The following SRGAP3 variants were observed in gnomAD, a reference collection of about 807,000 sequenced individuals.
The protein encoded by SRGAP3 is SLIT-ROBO Rho GTPase activating protein 3.
A neutral mutation model predicts 121.1 loss-of-function variants in SRGAP3; 39 were observed. The observed-to-expected ratio is 0.32, with a 90% CI of 0.25 to 0.42. The LOEUF is 0.42. Ranked by LOEUF, SRGAP3 falls within the 10% of genes least tolerant of loss-of-function variation. SRGAP3 has a pLI of 1.00. For missense variants in SRGAP3, 1,213 were observed against 1,470.6 expected, an observed-to-expected ratio of 0.82 and a Z score of 2.86; for synonymous variants, 601 against 570.0, an observed-to-expected ratio of 1.05 and a Z score of -0.77.
intron 10 of SRGAP3, among the ~76,000 whole-genome samples, chr3:9,042,117 AAGAG>A (rs1408207442): frequency 2.8e-5 from 4 of 142,666 alleles, no homozygotes; most frequent in Admixed American, 2.1e-4. Flanking sequence ...AAAAAAAAAA[AAGAG>A]AGAGAGAGAA....
Position 9,127,024 on chromosome 3 carries a change from A to G in SRGAP3, c.68-2107T>C, listed in dbSNP as rs1324827784. 2.6e-5 allele frequency among the ~76,000 whole-genome samples: 4 copies of G among 152,326 alleles called. No individual in the cohort carries two copies. In the East Asian group the frequency reaches 5.8e-4, roughly 22 times the overall value. On this transcript the variant is annotated intron_variant, in intron 1 of 21. Coordinates refer to ENST00000383836, the MANE Select transcript of SRGAP3 (RefSeq NM_014850.4). ...ATCTTCCTCTAATCAAGGGATCACA[A>G]ACCCTTGCTACTCAAAGTGTGGTCC... is the stretch of plus-strand genomic sequence containing the variant.
intron 2 of SRGAP3, among the ~76,000 whole-genome samples, chr3:9,121,328 C>T (rs187312271): frequency 1.4e-4 from 22 of 152,286 alleles, no homozygotes; most frequent in African/African-American, 4.6e-4. Flanking sequence ...AGAATCTTTA[C>T]GACGGTGAGA....
At chr3:9,340,105 G>T (rs1017111960) in intron 1 of SRGAP3, among the ~76,000 whole-genome samples, 7 of 152,102 alleles carry the variant, frequency 4.6e-5, no homozygotes, top group Non-Finnish European at 1.0e-4. Flanking sequence ...GGATTTAAAG[G>T]TATCTACCAC....
intron 18 of SRGAP3, among the ~76,000 whole-genome samples, chr3:9,002,402 T>A (rs946065307): frequency 6.6e-6 from 1 of 152,048 alleles, no homozygotes; most frequent in Non-Finnish European, 1.5e-5. Flanking sequence ...AAAATGAAGA[T>A]ACAACATATC....
rs140764295 is a variant in SRGAP3, at chr3:8,985,926, C to G, written c.2893G>C (p.Glu965Gln). 55 of 1,599,488 alleles carry G rather than the reference C, an allele frequency of 3.4e-5. No homozygotes were observed. The highest frequency in any genetic ancestry group is 4.5e-5 in the Non-Finnish European group (53 of 1,179,924). ...LEAEALAEDI[E>Q]KTMSTALHEL... ...TGCAGAGCCGTGCTCATGGTCTTCT[C>G]GATGTCCTGGGGACAGAGGGAGCTG... The change falls in exon 22 of 22, where the codon GAG (glutamate) becomes CAG (glutamine). Residue 965 changes from glutamate to glutamine, a missense_variant. This residue lies in a region of SRGAP3 where 420 missense variants were observed against 437.7 expected (regional missense o/e 0.96). Transcript: ENST00000383836. The surrounding 1 kb of genome is among the most constrained non-coding windows in gnomAD (Gnocchi z 5.1).
At chr3:9,346,023 T>C (rs559145765) in intron 1 of SRGAP3, among the ~76,000 whole-genome samples, 1 of 152,280 alleles carries the variant, frequency 6.6e-6, no homozygotes, top group South Asian at 2.1e-4. Context: ...CCTTAATAGC[T>C]TCCTTTGTTC....
chr3:9,233,806 G>A lies in SRGAP3; in HGVS notation c.67+15079C>T, dbSNP rs541951648. Among the ~76,000 whole-genome samples the A allele has an allele frequency of 2.6e-5, 4 of 152,274 alleles. No homozygotes were observed. In the East Asian group the frequency reaches 7.7e-4, roughly 29 times the overall value. On this transcript the variant is annotated intron_variant, in intron 1 of 21. Coordinates refer to ENST00000383836, the MANE Select transcript of SRGAP3 (RefSeq NM_014850.4). ...TCCTTCCATAACACTCAACACTTTT[G>A]TAATTACAAATTATCCTTTGTCTTC...
At position 9,015,861 on chromosome 3, in the gene SRGAP3, T is replaced by C. The variant is rs1247006085; in HGVS notation, c.1679-130A>G. 7 of 1,012,926 alleles carry C rather than the reference T, an allele frequency of 6.9e-6. No individual in the cohort carries two copies. The African/African-American group carries it at 8.0e-5, about 12-fold the overall frequency. 62.7% of individuals were successfully genotyped at this position (1,012,926 alleles called of 1,614,324 possible). A position where few individuals can be genotyped will look rare whatever the true frequency, so the allele number is the denominator to read the frequency against. Reference sequence around the variant, plus strand: ...GCAGATGGGAAAAGTCTCCCCCACATATGAGGCCCCCCACTTCAGCAAGTT... The same window carrying C: ...GCAGATGGGAAAAGTCTCCCCCACACATGAGGCCCCCCACTTCAGCAAGTT... On this transcript the variant is annotated intron_variant, in intron 14 of 21. Coordinates refer to ENST00000383836, the MANE Select transcript of SRGAP3 (RefSeq NM_014850.4).
At chr3:9,188,317 T>C (rs1039462805) in intron 1 of SRGAP3, among the ~76,000 whole-genome samples, 3 of 152,194 alleles carry the variant, frequency 2.0e-5, no homozygotes, top group Admixed American at 2.0e-4. Context: ...CCTTATGGAT[T>C]AGAAGCAGGT....
At chr3:9,147,843 C>A (rs535919415) in intron 1 of SRGAP3, among the ~76,000 whole-genome samples, 2 of 152,270 alleles carry the variant, frequency 1.3e-5, no homozygotes, top group South Asian at 4.1e-4. Flanking sequence ...AAGCAGATGA[C>A]ATGGGCAGGC....
intron 11 of SRGAP3, chr3:9,036,523 G>C (rs1944751065): frequency 6.6e-6 from 1 of 152,094 alleles, no homozygotes; most frequent in Non-Finnish European, 1.5e-5. Flanking sequence ...GGTCAAGGAG[G>C]GTGTGGAAGA....
At chr3:8,999,640 G>A (rs1279346735) in intron 18 of SRGAP3, among the ~76,000 whole-genome samples, 3 of 152,194 alleles carry the variant, frequency 2.0e-5, no homozygotes, top group Admixed American at 6.5e-5. Context: ...GAATGTGGGT[G>A]TACCTTCTCT....
Position 9,302,851 on chromosome 3 carries a change from G to A in SRGAP3, n.442+23159C>T, listed in dbSNP as rs75502994. 6.9e-3 allele frequency among the ~76,000 whole-genome samples: 1,054 copies of A among 152,184 alleles called. 9 individuals are homozygous for A. Among genetic ancestry groups the A allele is most frequent in the African/African-American group, 0.023 (953 of 41,542 alleles). On this transcript the variant is annotated intron_variant and non_coding_transcript_variant, in intron 3 of 3. Coordinates refer to the SRGAP3 transcript ENST00000490889. ...GGAGAGGCTCTGCAATCCGAGCAAG[G>A]GGCTTCAGTTCTCTGAACCTCAGAA... is the stretch of plus-strand genomic sequence containing the variant.
At chr3:9,126,313 T>C (rs980798984) in intron 1 of SRGAP3, among the ~76,000 whole-genome samples, 1 of 152,132 alleles carries the variant, frequency 6.6e-6, no homozygotes, top group African/African-American at 2.4e-5. Flanking sequence ...CATCTGGGTG[T>C]CAAAAGGAAA....
At chr3:9,014,251 A>T (rs1943523028) in intron 15 of SRGAP3, 1 of 288,410 alleles carries the variant, frequency 3.5e-6, no homozygotes, top group South Asian at 4.1e-5. Flanking sequence ...AGCTGGACCT[A>T]AGTTTTCCAG....
At chr3:9,174,907 T>G (rs1160235713) in intron 1 of SRGAP3, among the ~76,000 whole-genome samples, 1 of 152,096 alleles carries the variant, frequency 6.6e-6, no homozygotes, top group Non-Finnish European at 1.5e-5. Context: ...CTGAGGCCCA[T>G]GTGAGAAATG....
chr3:9,125,487 G>C (rs1949188349), intron 1 of SRGAP3, among the ~76,000 whole-genome samples: 1 of 152,210 alleles, frequency 6.6e-6, no homozygotes, highest in South Asian at 2.1e-4. Context: ...GCTGAGAAGG[G>C]CATGCTTTTC....
Position 9,354,681 on chromosome 3 carries a change from C to CAA in SRGAP3, n.214+8157_214+8158dup, listed in dbSNP as rs34026081. Among the ~76,000 whole-genome samples the CAA allele has an allele frequency of 1.1e-3, 75 of 70,710 alleles. 1 individual carries two copies. Among genetic ancestry groups the CAA allele is most frequent in the African/African-American group, 2.4e-3 (51 of 20,946 alleles). The allele number at this position is 70,710 out of a possible 152,430, so 46.4% of individuals were successfully genotyped here. A position where few individuals can be genotyped will look rare whatever the true frequency, so the allele number is the denominator to read the frequency against. The stretch of plus-strand genomic sequence containing the variant: ...GGGGTGACAGAGCGAGACTCCATCT[C>CAA]AAAAAAAAAAAAAAAAAAAAGAATA... On this transcript the variant is annotated intron_variant and non_coding_transcript_variant, in intron 1 of 3. Transcript: ENST00000490889.
intron 1 of SRGAP3, among the ~76,000 whole-genome samples, chr3:9,192,060 C>T (rs1238938072): frequency 1.3e-5 from 2 of 152,202 alleles, no homozygotes; most frequent in Non-Finnish European, 2.9e-5. Context: ...ATCACCCAGT[C>T]TCAGGTATTC....
Sources: gnomAD v4.1 joint callset for allele counts (sites outside exome capture counted in the v4.1 genomes callset) on GRCh38, gnomAD v4.1.1 for gene constraint, gnomAD v4.1.1 regional missense constraint, Gnocchi (gnomAD v3.1) non-coding constraint, MANE v1.5 for transcripts, NCBI Gene and HGNC (gene_info 2026-07-23, HGNC 2026-07-21) for gene names.